Variants in CHM observed in about 807,000 individuals in gnomAD.
CHM encodes rab proteins geranylgeranyltransferase component A 1.
Under a neutral mutation model 49.0 loss-of-function variants are expected in CHM, and 10 were observed. The ratio of observed to expected loss-of-function variants is 0.20; its 90% CI spans 0.13 to 0.35. The LOEUF is 0.35. CHM is among the 10% of genes least tolerant of loss of function. The probability of loss-of-function intolerance (pLI) is 1.00; values close to 1 mark genes in which losing one functional copy is unlikely to be tolerated. For synonymous variants in CHM, 184 were observed against 167.5 expected, an observed-to-expected ratio of 1.10 and a Z score of -0.76; for missense variants, 455 against 478.4, an observed-to-expected ratio of 0.95 and a Z score of 0.46.
intron 12 of CHM, among the ~76,000 whole-genome samples, chrX:85,880,069 T>C (rs1235072836): frequency 1.8e-5 from 2 of 111,094 alleles, no homozygotes; most frequent in African/African-American, 6.5e-5. Context: ...TATCTAAGCA[T>C]AAATTGAGGG....
chrX:85,954,893 C>CAAAAAAAAAA (rs768276965), intron 8 of CHM, among the ~76,000 whole-genome samples: 1 of 83,326 alleles, frequency 1.2e-5, no homozygotes. Flanking sequence ...CTCCATCTCC[C>CAAAAAAAAAA]AAAAAAAAAA....
At chrX:85,887,676 T>C (rs749710284) in intron 12 of CHM, among the ~76,000 whole-genome samples, 3 of 111,596 alleles carry the variant, frequency 2.7e-5, no homozygotes, top group African/African-American at 9.8e-5. Context: ...TTAATGGCTT[T>C]GACCAAAATG....
chrX:86,017,278 G>A (rs1168310656), intron 2 of CHM, among the ~76,000 whole-genome samples: 1 of 111,715 alleles, frequency 9.0e-6, no homozygotes, highest in Non-Finnish European at 1.9e-5. Flanking sequence ...TGTTGGGAAG[G>A]CATGACTGCT....
intron 11 of CHM, among the ~76,000 whole-genome samples, chrX:85,898,037 T>C (rs1165558310): frequency 1.8e-5 from 2 of 110,728 alleles, no homozygotes; most frequent in Admixed American, 1.9e-4. Flanking sequence ...ACAGACTGGG[T>C]GGGGGTAAGA....
chrX:85,984,194 C>T (rs759109882), intron 2 of CHM, among the ~76,000 whole-genome samples: 4 of 109,525 alleles, frequency 3.7e-5, no homozygotes, highest in Non-Finnish European at 7.6e-5. Flanking sequence ...AAGAGCAAAA[C>T]TCTGTCTCAA....
chrX:85,962,670 T>C (rs1380699437), intron 5 of CHM, among the ~76,000 whole-genome samples: 1 of 111,934 alleles, frequency 8.9e-6, no homozygotes. Flanking sequence ...TTTCAATTAC[T>C]TATTGTTAGC....
intron 8 of CHM, among the ~76,000 whole-genome samples, chrX:85,947,690 C>G (rs1929491549): frequency 9.0e-6 from 1 of 111,407 alleles, no homozygotes; most frequent in African/African-American, 3.3e-5. Flanking sequence ...GCACATCTAC[C>G]CCTGAAACTA....
intron 5 of CHM, 48 bp downstream of exon 5, chrX:85,963,617 G>C (rs751355847): frequency 1.4e-5 from 16 of 1,109,374 alleles, no homozygotes; most frequent in Admixed American, 6.7e-5. Flanking sequence ...TGGGTTTATG[G>C]GCCCAGATAC....
Position 85,886,042 on chromosome X carries a change from A to G in CHM, c.1511-6979T>C, listed in dbSNP as rs184080891. On this transcript the variant is annotated intron_variant, in intron 12 of 14. Coordinates refer to ENST00000357749, the MANE Select transcript of CHM (RefSeq NM_000390.4). ...CAAATGGATGATCACAAACATTTCA[A>G]CATCATAATTACTACAAATATGAGA... Among the ~76,000 whole-genome samples, 427 of 111,852 alleles carry G rather than the reference A, an allele frequency of 3.8e-3. 7 individuals are homozygous for G. The highest frequency in any genetic ancestry group is 0.03 in the Admixed American group (313 of 10,527).
chrX:85,910,252 GA>G (rs1191441909), intron 9 of CHM, among the ~76,000 whole-genome samples: 1 of 110,959 alleles, frequency 9.0e-6, no homozygotes, highest in Non-Finnish European at 1.9e-5. Flanking sequence ...CCACTTAAAC[GA>G]TACAAAACTT....
chrX:85,910,858 A>T (rs1926885624), intron 9 of CHM, among the ~76,000 whole-genome samples: 1 of 106,596 alleles, frequency 9.4e-6, no homozygotes, highest in African/African-American at 3.4e-5. Flanking sequence ...GGCCACAAGG[A>T]AAACTAACAT....
chrX:85,934,590 G>A (rs958580784), intron 8 of CHM, among the ~76,000 whole-genome samples: 9 of 109,123 alleles, frequency 8.2e-5, no homozygotes, highest in African/African-American at 3.0e-4. Context: ...CAGCTTCACT[G>A]ATGTCCCTAC....
At chrX:85,938,660 G>T (rs1430200003) in intron 8 of CHM, among the ~76,000 whole-genome samples, 6 of 108,506 alleles carry the variant, frequency 5.5e-5, no homozygotes, top group African/African-American at 2.0e-4. Flanking sequence ...CACATTATAC[G>T]CACAATATTT....
chrX:85,948,106 A>G (rs1187266666), intron 8 of CHM, among the ~76,000 whole-genome samples: 1 of 111,994 alleles, frequency 8.9e-6, no homozygotes, highest in Non-Finnish European at 1.9e-5. Flanking sequence ...GTTTGTTCCC[A>G]CTGATACTGC....
intron 12 of CHM, among the ~76,000 whole-genome samples, chrX:85,891,570 T>A (rs1401004507): frequency 8.9e-6 from 1 of 112,112 alleles, no homozygotes; most frequent in East Asian, 2.8e-4. Context: ...TGCATAGAAG[T>A]TAAGAATTGG....
At chrX:85,998,521 A>G (rs766753291) in intron 2 of CHM, among the ~76,000 whole-genome samples, 1 of 112,236 alleles carries the variant, frequency 8.9e-6, no homozygotes, top group Admixed American at 9.5e-5. Context: ...TGCATTTAAT[A>G]TACTTAGCCT....
Position 85,882,493 on chromosome X carries a change from T to C in CHM, c.1511-3430A>G, listed in dbSNP as rs532412135. Among the ~76,000 whole-genome samples, 4 of 111,732 alleles carry C rather than the reference T, an allele frequency of 3.6e-5. No individual in the cohort carries two copies. The South Asian group carries it at 1.1e-3, about 31-fold the overall frequency. On this transcript the variant is annotated intron_variant, in intron 12 of 14. Transcript: ENST00000357749. ...ACTGAACAAAAAAAAAATTAATATC[T>C]TTTTATAAACTATGCTCCTTTGACT...
rs1923573194 is a variant in CHM at position 85,864,650 on chromosome X, G to C, written c.1942C>G (p.Leu648Val). ...ATCCATTATTCAGAGGACTCCTCTAGGTTTCCAAGGTTTGTGCTTTCCTTG... is the reference window on the plus strand; with the variant it reads ...ATCCATTATTCAGAGGACTCCTCTACGTTTCCAAGGTTTGTGCTTTCCTTG... ...TFKESTNLGN[L>V]EESSE is the part of the protein sequence containing the mutation. Residue 648 changes from leucine to valine, a missense_variant, in exon 15 of 15, where the codon CTA becomes GTA. Transcript: ENST00000357749. The C allele has an allele frequency of 8.3e-7, 1 of 1,207,533 alleles. No homozygotes were observed. Among genetic ancestry groups the C allele is most frequent in the Non-Finnish European group, 1.1e-6 (1 of 893,840 alleles).
At chrX:85,936,683 C>T (rs1928800048) in intron 8 of CHM, among the ~76,000 whole-genome samples, 1 of 112,128 alleles carries the variant, frequency 8.9e-6, no homozygotes, top group South Asian at 3.7e-4. Flanking sequence ...AAATAAATAG[C>T]TTTGCTACAA....
Sources: gnomAD v4.1 joint callset for allele counts (sites outside exome capture counted in the v4.1 genomes callset) on GRCh38, gnomAD v4.1.1 for gene constraint, MANE v1.5 for transcripts, NCBI Gene and HGNC (gene_info 2026-07-23, HGNC 2026-07-21) for gene names.